The following WNT7B variants were observed in gnomAD, a reference collection of about 807,000 sequenced individuals.
WNT7B encodes the protein protein Wnt-7b.
Under a neutral mutation model 38.2 loss-of-function variants are expected in WNT7B, and 19 were observed. The observed-to-expected ratio is 0.50, with a 90% CI of 0.35 to 0.73. The LOEUF is 0.73. Among genes scored for constraint, WNT7B ranks in the 30% least tolerant of loss-of-function variants. WNT7B has a pLI of 0.01. For synonymous variants in WNT7B, 243 were observed against 209.3 expected (o/e 1.16, Z -1.39); for missense variants, 423 against 507.9 (o/e 0.83, Z 1.61).
At chr22:45,945,088 A>T (rs984903535) in intron 2 of WNT7B, among the ~76,000 whole-genome samples, 3 of 148,500 alleles carry the variant, frequency 2.0e-5, no homozygotes, top group East Asian at 2.0e-4. Context: ...GGTGAACTTA[A>T]TTTTTTTTTT....
intron 1 of WNT7B, among the ~76,000 whole-genome samples, chr22:45,968,879 C>T (rs1457591837): frequency 3.3e-5 from 5 of 152,230 alleles, no homozygotes; most frequent in Non-Finnish European, 7.3e-5. Flanking sequence ...GGATCACCAT[C>T]CCAAGTGACC....
rs564395970 is a variant in WNT7B at position 45,976,845 on chromosome 22, G to A, written c.-91C>T. On this transcript the variant is annotated 5_prime_UTR_variant, in exon 1 of 4. Transcript: ENST00000339464. This position sits in a 1 kb window ranked among gnomAD's most constrained non-coding sequence, Gnocchi z 8.5. ...CCGGGCAGGGGCCAGGGGGCTGCGG[G>A]CAGACTGCGCTCAGCCCGCGCTGCG... The A allele has an allele frequency of 7.7e-4, 912 of 1,188,260 alleles. 8 individuals carry two copies. In the African/African-American group the frequency reaches 0.014, roughly 18 times the overall value. 73.6% of individuals were successfully genotyped at this position (1,188,260 alleles called of 1,614,324 possible).
intron 2 of WNT7B, among the ~76,000 whole-genome samples, chr22:45,941,570 G>C (rs1376279176): frequency 1.3e-5 from 2 of 152,052 alleles, no homozygotes; most frequent in African/African-American, 4.8e-5. Context: ...AATGCAGTGA[G>C]GGCAGCTGGT....
chr22:45,929,767 C>T (rs929468227), intron 3 of WNT7B, among the ~76,000 whole-genome samples: 1 of 145,396 alleles, frequency 6.9e-6, no homozygotes, highest in African/African-American at 2.5e-5. Context: ...CATCTGTCTA[C>T]TTATCCTTCC....
intron 3 of WNT7B, among the ~76,000 whole-genome samples, chr22:45,928,028 C>G (rs1008353870): frequency 1.3e-5 from 2 of 152,186 alleles, no homozygotes; most frequent in African/African-American, 4.8e-5. Context: ...CAGGAAGTCT[C>G]CTCCCCTGCT....
intron 3 of WNT7B, chr22:45,926,377 T>C (rs535758271): frequency 5.1e-6 from 5 of 985,146 alleles, no homozygotes; most frequent in South Asian, 9.4e-5. Context: ...TCCTCGACGC[T>C]GGGGGCCTGG....
At chr22:45,954,667 T>A (rs1245502317) in intron 1 of WNT7B, 2 of 985,232 alleles carry the variant, frequency 2.0e-6, no homozygotes, top group African/African-American at 3.5e-5. Context: ...TACAGGCTCC[T>A]GCACTGTATT....
intron 2 of WNT7B, among the ~76,000 whole-genome samples, chr22:45,946,050 G>A (rs1429255790): frequency 7.3e-6 from 1 of 137,686 alleles, no homozygotes; most frequent in Non-Finnish European, 1.6e-5. Flanking sequence ...CGTGGTCCTG[G>A]GGGACTCTGG....
chr22:45,957,593 A>G (rs1037002725), intron 1 of WNT7B, among the ~76,000 whole-genome samples: 2 of 143,328 alleles, frequency 1.4e-5, no homozygotes, highest in Admixed American at 7.2e-5. Context: ...CTGAGGAAGG[A>G]GAATTGCTTG....
intron 3 of WNT7B, chr22:45,927,675 C>T: frequency 1.4e-6 from 1 of 715,414 alleles, no homozygotes; most frequent in Non-Finnish European, 2.6e-6. Flanking sequence ...GCGGGCAGAT[C>T]ACCTGAGGTT....
intron 1 of WNT7B, among the ~76,000 whole-genome samples, chr22:45,968,486 G>A (rs111802358): frequency 3.2e-4 from 49 of 152,324 alleles, no homozygotes; most frequent in African/African-American, 1.2e-3. Flanking sequence ...GAGTCAGGAT[G>A]AGGACCCAGA....
chr22:45,956,308 G>A (rs567711331), intron 1 of WNT7B, among the ~76,000 whole-genome samples: 1 of 152,336 alleles, frequency 6.6e-6, no homozygotes, highest in South Asian at 2.1e-4. Context: ...CACAGCACGG[G>A]CCGCTGGCCT....
intron 1 of WNT7B, among the ~76,000 whole-genome samples, chr22:45,968,753 C>A (rs920828653): frequency 8.5e-5 from 13 of 152,172 alleles, no homozygotes; most frequent in Non-Finnish European, 1.9e-4. Context: ...AGTGGGGGGT[C>A]CCCAGTTGAG....
At chr22:45,929,554 TTCCACCCATCCC>T (rs1931229218) in intron 3 of WNT7B, among the ~76,000 whole-genome samples, 3 of 117,790 alleles carry the variant, frequency 2.5e-5, no homozygotes, top group Admixed American at 1.8e-4. Flanking sequence ...CCAACCATCC[TTCCACCCATCCC>T]CTCATTCATC....
rs1252855914 is a variant in WNT7B at position 45,931,321 on chromosome 22, G to A, written c.347C>T (p.Ala116Val). 6.9e-6 allele frequency: 11 copies of A among 1,596,416 alleles called. No individual in the cohort carries two copies. The highest frequency in any genetic ancestry group is 1.3e-5 in the African/African-American group (1 of 74,888). ...GCTGCAGGCAGCGGTGACGGCGTGC[G>A]CCACGCCAGCCGCGGTGATGGCGTA... ...FTYAITAAGV[A>V]HAVTAACSQG... The change falls in exon 3 of 4, where the codon GCG (alanine) becomes GTG (valine). Residue 116 changes from alanine to valine, a missense_variant. Coordinates refer to ENST00000339464, the MANE Select transcript of WNT7B (RefSeq NM_058238.3).
Position 45,975,908 on chromosome 22 carries a change from G to A in WNT7B, c.71+776C>T. ...CAGATTCTGTCTAAAGGAGATCGCG[G>A]CTCAACAGGTAAGGACTCGGCTGGG... On this transcript the variant is annotated intron_variant, in intron 1 of 3. Coordinates refer to ENST00000339464, the MANE Select transcript of WNT7B (RefSeq NM_058238.3). This position sits in a 1 kb window ranked among gnomAD's most constrained non-coding sequence, Gnocchi z 6.6. 1 of 186,858 alleles carries A rather than the reference G, an allele frequency of 5.4e-6. No individual in the cohort carries two copies. Among genetic ancestry groups the A allele is most frequent in the Non-Finnish European group, 1.1e-5 (1 of 91,640 alleles). 11.6% of individuals were successfully genotyped at this position (186,858 alleles called of 1,614,324 possible).
In WNT7B at chr22:45,923,182, G is replaced by A. The variant is rs149099586; in HGVS notation, c.724C>T (p.Arg242Trp). The change falls in exon 4 of 4, where the codon CGG becomes TGG. Residue 242 changes from arginine to tryptophan, a missense_variant. Physicochemically the swap from Arg to Trp is moderately radical, Grantham distance 101. Coordinates refer to ENST00000339464, the MANE Select transcript of WNT7B (RefSeq NM_058238.3). Reference protein sequence around the residue: ...YNAAVQVEVVRASRLRQPTFL... With the variant: ...YNAAVQVEVVWASRLRQPTFL... ...GTGGGCTGCCGCAGACGGCTGGCCCGCACCACCTCCACCTGCACGGCCGCG... is the reference window on the plus strand; with the variant it reads ...GTGGGCTGCCGCAGACGGCTGGCCCACACCACCTCCACCTGCACGGCCGCG... 7.4e-6 allele frequency: 12 copies of A among 1,613,002 alleles called. No homozygotes were observed. Among genetic ancestry groups the A allele is most frequent in the South Asian group, 1.1e-5 (1 of 91,068 alleles).
chr22:45,948,056 C>T (rs1477438963), intron 2 of WNT7B, among the ~76,000 whole-genome samples: 2 of 152,228 alleles, frequency 1.3e-5, no homozygotes, highest in East Asian at 1.9e-4. Flanking sequence ...ACGATTTCCA[C>T]GTCTGCCCCT....
At chr22:45,946,742 C>T (rs1931806382) in intron 2 of WNT7B, among the ~76,000 whole-genome samples, 1 of 152,194 alleles carries the variant, frequency 6.6e-6, no homozygotes, top group African/African-American at 2.4e-5. Context: ...TAGAAGAAAC[C>T]ATCTGTCTAA....
Sources: gnomAD v4.1 joint callset for allele counts (sites outside exome capture counted in the v4.1 genomes callset) on GRCh38, gnomAD v4.1.1 for gene constraint, Gnocchi (gnomAD v3.1) non-coding constraint, MANE v1.5 for transcripts, NCBI Gene and HGNC (gene_info 2026-07-23, HGNC 2026-07-21) for gene names.